The following NELL1 variants were observed in gnomAD, a reference collection of about 807,000 sequenced individuals.
NELL1 encodes the protein neural EGFL like 1, also known as protein kinase C-binding protein NELL1.
In NELL1, 76 loss-of-function variants were observed where a neutral mutation model predicts 107.4. The ratio of observed to expected loss-of-function variants is 0.71; its 90% confidence interval spans 0.59 to 0.86. NELL1 has a LOEUF of 0.86. Among genes scored for constraint, NELL1 ranks in the 40% least tolerant of loss-of-function variants. The pLI, the probability that NELL1 is intolerant of heterozygous loss-of-function variation, is 0.00. For synonymous variants in NELL1, 353 were observed against 341.2 expected, an observed-to-expected ratio of 1.03 and a Z score of -0.38; for missense variants, 1,024 against 1,005.5, an observed-to-expected ratio of 1.02 and a Z score of -0.25.
chr11:21,094,088 T>C (rs1340078790), intron 12 of NELL1, among the ~76,000 whole-genome samples: 1 of 152,208 alleles, frequency 6.6e-6, no homozygotes, highest in Non-Finnish European at 1.5e-5. Context: ...GGTTAGTTAC[T>C]TCCTAGATTC....
intron 13 of NELL1, among the ~76,000 whole-genome samples, chr11:21,212,410 C>G (rs1048897642): frequency 9.9e-5 from 15 of 152,102 alleles, no homozygotes; most frequent in Non-Finnish European, 2.9e-5. Flanking sequence ...ACACTAGAGT[C>G]TTTTGGTTCC....
intron 12 of NELL1, among the ~76,000 whole-genome samples, chr11:20,983,673 T>G (rs1203385386): frequency 6.6e-6 from 1 of 152,192 alleles, no homozygotes; most frequent in Non-Finnish European, 1.5e-5. Flanking sequence ...TGTTTTGACA[T>G]CCTTTAGACC....
intron 16 of NELL1, among the ~76,000 whole-genome samples, chr11:21,554,627 C>T (rs1290419645): frequency 2.0e-5 from 3 of 151,692 alleles, no homozygotes; most frequent in African/African-American, 7.3e-5. Flanking sequence ...AGGAACAAGA[C>T]CAACAATAAT....
At chr11:20,966,519 G>C (rs898562123) in intron 12 of NELL1, among the ~76,000 whole-genome samples, 7 of 152,030 alleles carry the variant, frequency 4.6e-5, no homozygotes, top group Non-Finnish European at 8.8e-5. Flanking sequence ...CAGAATGCTT[G>C]AGATAAGAAT....
intron 3 of NELL1, among the ~76,000 whole-genome samples, chr11:20,833,624 A>G (rs1858060017): frequency 6.6e-6 from 1 of 152,186 alleles, no homozygotes; most frequent in South Asian, 2.1e-4. Context: ...AATAATGAGA[A>G]AAATATTTAA....
intron 2 of NELL1, among the ~76,000 whole-genome samples, chr11:20,775,483 C>T (rs1856733150): frequency 5.9e-4 from 2 of 3,380 alleles, no homozygotes; most frequent in Non-Finnish European, 0.017. Flanking sequence ...CTTTTCACCA[C>T]TCTTTTTGCT....
At chr11:20,850,703 C>T (rs1457535659) in intron 4 of NELL1, among the ~76,000 whole-genome samples, 1 of 152,238 alleles carries the variant, frequency 6.6e-6, no homozygotes, top group Admixed American at 6.5e-5. Flanking sequence ...TAATATTTCC[C>T]TGCCACATGT....
chr11:20,756,929 A>G (rs117749014), intron 2 of NELL1, among the ~76,000 whole-genome samples: 4,007 of 152,266 alleles, frequency 0.026, 57 homozygotes, highest in Non-Finnish European at 0.04. Flanking sequence ...TGCATGGACC[A>G]GGGTGAGATG....
intron 2 of NELL1, among the ~76,000 whole-genome samples, chr11:20,719,806 A>G (rs1419429867): frequency 6.6e-6 from 1 of 152,200 alleles, no homozygotes; most frequent in Non-Finnish European, 1.5e-5. Context: ...TTTATCATCT[A>G]TTTAATTCCA....
intron 15 of NELL1, among the ~76,000 whole-genome samples, chr11:21,440,520 T>C (rs1853254597): frequency 6.6e-6 from 1 of 152,224 alleles, no homozygotes; most frequent in South Asian, 2.1e-4. Flanking sequence ...ATTTTCACTA[T>C]ATCCAAGAAA....
intron 13 of NELL1, among the ~76,000 whole-genome samples, chr11:21,224,198 A>G (rs752345843): frequency 6.6e-6 from 1 of 152,066 alleles, no homozygotes; most frequent in Non-Finnish European, 1.5e-5. Context: ...CTGGATGGTC[A>G]TATCTCTCCT....
At chr11:21,381,904 A>ATTTTTTTTTTTTTTTTTTTTTTT (rs149327802) in intron 15 of NELL1, among the ~76,000 whole-genome samples, 1 of 91,376 alleles carries the variant, frequency 1.1e-5, no homozygotes, top group Non-Finnish European at 2.1e-5. Context: ...CCTGGAAGGG[A>ATTTTTTTTTTTTTTTTTTTTTTT]TTTTTTTTTT....
Position 21,372,290 on chromosome 11 carries a change from CA to C in NELL1, c.1645+1347del, listed in dbSNP as rs572891246. On this transcript the variant is annotated intron_variant, in intron 15 of 19. Coordinates refer to ENST00000357134, the MANE Select transcript of NELL1 (RefSeq NM_006157.5). ...AGGTTTTTTAAAATGAAAAAAAAAA[CA>C]AAAACTAAAAGATTCTTACTGCTTC... 7.6e-4 allele frequency among the ~76,000 whole-genome samples: 114 copies of C among 149,618 alleles called. 1 individual carries two copies. Among genetic ancestry groups the C allele is most frequent in the African/African-American group, 2.7e-3 (109 of 40,710 alleles).
At chr11:21,497,177 G>A (rs2133925797) in intron 15 of NELL1, among the ~76,000 whole-genome samples, 1 of 112,252 alleles carries the variant, frequency 8.9e-6, no homozygotes, top group Admixed American at 1.2e-4. Flanking sequence ...GGAGGGGGGA[G>A]GGATAGCATT....
At chr11:21,238,490 T>G (rs1161403539) in intron 14 of NELL1, among the ~76,000 whole-genome samples, 1 of 152,044 alleles carries the variant, frequency 6.6e-6, no homozygotes, top group African/African-American at 2.4e-5. Flanking sequence ...CTGAGAAGGA[T>G]GACCAGAGAA....
At chr11:21,363,355 CCTT>C (rs1303263982) in intron 14 of NELL1, among the ~76,000 whole-genome samples, 3 of 152,144 alleles carry the variant, frequency 2.0e-5, no homozygotes, top group African/African-American at 4.8e-5. Flanking sequence ...AAGGTAAAAT[CCTT>C]CTTTGGTGAT....
At chr11:20,777,124 A>G (rs538395630) in intron 2 of NELL1, among the ~76,000 whole-genome samples, 4 of 152,230 alleles carry the variant, frequency 2.6e-5, no homozygotes, top group Non-Finnish European at 5.9e-5. Context: ...CACAGTTAAG[A>G]GTGTAGCTCA....
chr11:21,429,106 AG>A (rs1469093130), intron 15 of NELL1, among the ~76,000 whole-genome samples: 2 of 152,188 alleles, frequency 1.3e-5, no homozygotes, highest in African/African-American at 2.4e-5. Flanking sequence ...AGCATTTTTA[AG>A]GCACTAATGT....
At chr11:21,559,459 C>T (rs4343020) in intron 16 of NELL1, among the ~76,000 whole-genome samples, 21,757 of 151,964 alleles carry the variant, frequency 0.14, 1,707 homozygotes, top group African/African-American at 0.2. Flanking sequence ...ATGTCAGAAT[C>T]GGCCGACTGG....
Sources: gnomAD v4.1 joint callset for allele counts (sites outside exome capture counted in the v4.1 genomes callset) on GRCh38, gnomAD v4.1.1 for gene constraint, MANE v1.5 for transcripts, NCBI Gene and HGNC (gene_info 2026-07-23, HGNC 2026-07-21) for gene names.